Variants in PRPF3 observed in about 807,000 individuals in gnomAD.
The protein encoded by PRPF3 is pre-mRNA processing factor 3.
In PRPF3, 3 loss-of-function variants were observed where a neutral mutation model predicts 89.2. The observed-to-expected ratio is 0.03, with a 90% CI of 0.02 to 0.09. The LOEUF is 0.09. Ranked by LOEUF, PRPF3 falls within the 10% of genes least tolerant of loss-of-function variation. The pLI, the probability that PRPF3 is intolerant of heterozygous loss-of-function variation, is 1.00. For synonymous variants in PRPF3, 270 were observed against 289.1 expected, an observed-to-expected ratio of 0.93 and a Z score of 0.67; for missense variants, 463 against 828.8, an observed-to-expected ratio of 0.56 and a Z score of 5.42.
intron 4 of PRPF3, among the ~76,000 whole-genome samples, chr1:150,329,573 A>C (rs58922427): frequency 0.026 from 3,911 of 152,336 alleles, 164 homozygotes; most frequent in African/African-American, 0.088. Context: ...TCCACTGATA[A>C]ATAATTTTAA....
In PRPF3 at chr1:150,349,192, A is replaced by G; in HGVS notation, c.1879A>G (p.Thr627Ala). 1.2e-6 allele frequency: 2 copies of G among 1,613,862 alleles called. No homozygotes were observed. The highest frequency in any genetic ancestry group is 1.7e-6 in the Non-Finnish European group (2 of 1,179,876). ...EESDEEAVKK[T>A]NKCVLVWEGT... ...GTCTGATGAGGAAGCTGTGAAGAAA[A>G]CCAACAAATGTGTACTAGTCTGGGA... The change falls in exon 15 of 16, where the codon ACC (threonine) becomes GCC (alanine). Residue 627 changes from threonine to alanine, a missense_variant. Transcript: ENST00000324862.
At chr1:150,325,399 T>C (rs1553863456) in intron 2 of PRPF3, among the ~76,000 whole-genome samples, 1 of 152,170 alleles carries the variant, frequency 6.6e-6, no homozygotes, top group African/African-American at 2.4e-5. Flanking sequence ...CATCTCAACA[T>C]ACAAAAATCT....
intron 3 of PRPF3, chr1:150,327,900 C>G (rs1553864242): frequency 5.1e-6 from 1 of 197,998 alleles, no homozygotes; most frequent in Non-Finnish European, 1.0e-5. Context: ...GTAATTTAAC[C>G]TAATATGAAC....
chr1:150,338,061 C>G, intron 7 of PRPF3, 99 bp from the exon 8 acceptor site: 2 of 1,320,090 alleles, frequency 1.5e-6, no homozygotes, highest in Non-Finnish European at 1.0e-6. Flanking sequence ...GCAAGAAGAA[C>G]GAAACTCCGT....
At chr1:150,339,332 T>C (rs1270373824) in intron 8 of PRPF3, among the ~76,000 whole-genome samples, 2 of 150,886 alleles carry the variant, frequency 1.3e-5, no homozygotes, top group Non-Finnish European at 2.9e-5. Flanking sequence ...GCTATGATCA[T>C]GACCACTGCA....
intron 11 of PRPF3, 40 bp from the exon 12 acceptor site, chr1:150,344,394 A>G (rs1658079101): frequency 1.2e-6 from 2 of 1,614,046 alleles, no homozygotes; most frequent in Admixed American, 1.7e-5. Flanking sequence ...CTGATCTTCA[A>G]TGCCTTTCTC....
intron 9 of PRPF3, among the ~76,000 whole-genome samples, chr1:150,342,085 TTAAGAAAGA>T (rs1657804140): frequency 6.6e-6 from 1 of 151,796 alleles, no homozygotes; most frequent in Non-Finnish European, 1.5e-5. Context: ...AGAACACTAC[TTAAGAAAGA>T]TAAGAGGCCA....
At chr1:150,345,332 CTA>C (rs1489304863) in intron 12 of PRPF3, among the ~76,000 whole-genome samples, 1 of 151,392 alleles carries the variant, frequency 6.6e-6, no homozygotes, top group South Asian at 2.1e-4. Flanking sequence ...TATAGTGATC[CTA>C]TATATATATT....
chr1:150,347,440 T>C (rs1180290873), intron 14 of PRPF3, among the ~76,000 whole-genome samples: 2 of 151,928 alleles, frequency 1.3e-5, no homozygotes, highest in African/African-American at 4.8e-5. Flanking sequence ...AAGTCAAAAA[T>C]GCATTTAAGG....
In PRPF3 at chr1:150,335,099, A is replaced by G; in HGVS notation, c.893A>G (p.Lys298Arg). ...AGGGAACAATTCAAGCAACAACTAA[A>G]GGAAAAGCCATCAGAAGACATGGAA... ...VKREQFKQQL[K>R]EKPSEDMESN... is the part of the protein sequence containing the mutation. The change falls in exon 7 of 16, where the codon AAG becomes AGG. Residue 298 changes from lysine to arginine, a missense_variant. Physicochemically the swap from Lys to Arg is conservative, Grantham distance 26 (BLOSUM62 2). Around this residue, in one of 8 missense-constraint regions of PRPF3, gnomAD observed 261 missense variants for 475.8 expected, o/e 0.55. Coordinates refer to ENST00000324862, the MANE Select transcript of PRPF3 (RefSeq NM_004698.4). 6.2e-7 allele frequency: 1 copy of G among 1,614,142 alleles called. No homozygotes were observed. Among genetic ancestry groups the G allele is most frequent in the South Asian group, 1.1e-5 (1 of 91,086 alleles).
At chr1:150,344,776 C>T (rs782547165) in intron 12 of PRPF3, among the ~76,000 whole-genome samples, 3 of 151,108 alleles carry the variant, frequency 2.0e-5, no homozygotes, top group South Asian at 4.2e-4. Context: ...TTTTTTTTTA[C>T]CAGAATATTA....
In PRPF3 at chr1:150,347,588, C is replaced by T. The variant is rs587723873; in HGVS notation, c.1843+1097C>T. On this transcript the variant is annotated intron_variant, in intron 14 of 15. Transcript: ENST00000324862. The stretch of plus-strand genomic sequence containing the variant: ...CTACTGAAAACACAAAAATTCGGGG[C>T]GTGGTGGTGGACCTCTGTAATCCCA... 7.2e-5 allele frequency among the ~76,000 whole-genome samples: 11 copies of T among 151,944 alleles called. No individual in the cohort carries two copies. The South Asian group carries it at 1.7e-3, about 23-fold the overall frequency.
intron 13 of PRPF3, 71 bp downstream of exon 13, chr1:150,346,207 A>T: frequency 2.1e-6 from 3 of 1,412,512 alleles, no homozygotes; most frequent in Non-Finnish European, 2.0e-6. Flanking sequence ...CATTGTGGGG[A>T]GAAAGGAGAA....
chr1:150,335,247 T>C lies in PRPF3; in HGVS notation c.1035+6T>C. 1 of 1,612,604 alleles carries C rather than the reference T, an allele frequency of 6.2e-7. No homozygotes were observed. Among genetic ancestry groups the C allele is most frequent in the Non-Finnish European group, 8.5e-7 (1 of 1,178,694 alleles). ...CTCAGCGATTACGGACAAAGGTATC[T>C]GGCTTAGAGTATAACACAGAATTTG... On this transcript the variant is annotated splice_donor_region_variant and intron_variant, in intron 7 of 15. Coordinates refer to ENST00000324862, the MANE Select transcript of PRPF3 (RefSeq NM_004698.4).
intron 3 of PRPF3, among the ~76,000 whole-genome samples, chr1:150,326,169 T>C: frequency 6.6e-6 from 1 of 152,196 alleles, no homozygotes; most frequent in Non-Finnish European, 1.5e-5. Context: ...TCCTTCTTAC[T>C]GTTACTTATA....
intron 4 of PRPF3, 146 bp downstream of exon 4, chr1:150,328,612 G>A (rs1434813829): frequency 2.3e-6 from 2 of 881,752 alleles, no homozygotes; most frequent in Non-Finnish European, 3.3e-6. Context: ...GAATACAGTG[G>A]CGCGATCTCA....
chr1:150,327,996 T>C, intron 3 of PRPF3: 1 of 334,848 alleles, frequency 3.0e-6, no homozygotes, highest in Non-Finnish European at 5.7e-6. Context: ...TTGGAGGAGG[T>C]GAGTTTTAGG....
chr1:150,340,340 C>G, intron 8 of PRPF3, 58 bp from the exon 9 acceptor site: 1 of 1,275,968 alleles, frequency 7.8e-7, no homozygotes, highest in Non-Finnish European at 1.1e-6. Flanking sequence ...TCTGAGACTC[C>G]TCTCTTAGAA....
intron 4 of PRPF3, among the ~76,000 whole-genome samples, chr1:150,331,273 G>T (rs1396387884): frequency 6.6e-6 from 1 of 152,004 alleles, no homozygotes; most frequent in Non-Finnish European, 1.5e-5. Context: ...TCCTGACCTC[G>T]TGATCCACCT....
Sources: gnomAD v4.1 joint callset for allele counts (sites outside exome capture counted in the v4.1 genomes callset) on GRCh38, gnomAD v4.1.1 for gene constraint, gnomAD v4.1.1 regional missense constraint, MANE v1.5 for transcripts, NCBI Gene and HGNC (gene_info 2026-07-23, HGNC 2026-07-21) for gene names.